The following TENM4 variants were observed in gnomAD, a reference collection of about 807,000 sequenced individuals.
The protein encoded by TENM4 is teneurin-4.
Under a neutral mutation model 243.3 loss-of-function variants are expected in TENM4, and 82 were observed. That is an observed-to-expected ratio of 0.34 (90% confidence interval 0.28 to 0.40). TENM4 has a LOEUF of 0.40. TENM4 is among the 10% of genes least tolerant of loss of function. The pLI is 1.00. For synonymous variants in TENM4, 1,412 were observed against 1,456.3 expected (o/e 0.97, Z 0.69); for missense variants, 3,138 against 3,673.3 (o/e 0.85, Z 3.77).
At chr11:78,972,235 G>C (rs146122929) in intron 6 of TENM4, among the ~76,000 whole-genome samples, 14 of 152,216 alleles carry the variant, frequency 9.2e-5, no homozygotes, top group Non-Finnish European at 1.8e-4. Flanking sequence ...CAGACCCACA[G>C]CCTCCCAGGT....
At chr11:78,943,078 C>CATCT (rs1856937357) in intron 6 of TENM4, among the ~76,000 whole-genome samples, 1 of 152,198 alleles carries the variant, frequency 6.6e-6, no homozygotes, top group African/African-American at 2.4e-5. Flanking sequence ...CAGAAATGTG[C>CATCT]ATCTGCTATT....
intron 12 of TENM4, among the ~76,000 whole-genome samples, chr11:78,819,466 T>C (rs573137654): frequency 1.3e-4 from 20 of 152,230 alleles, no homozygotes; most frequent in Admixed American, 3.9e-4. Flanking sequence ...GACAGCCCAA[T>C]TGCCTCCTTA....
At chr11:79,158,078 G>T (rs775732613) in intron 3 of TENM4, among the ~76,000 whole-genome samples, 7 of 152,210 alleles carry the variant, frequency 4.6e-5, no homozygotes, top group Non-Finnish European at 1.0e-4. Flanking sequence ...AGGACCCAGG[G>T]ACCCTCCTCC....
chr11:78,812,848 A>G (rs1406039787), intron 13 of TENM4, among the ~76,000 whole-genome samples: 2 of 152,182 alleles, frequency 1.3e-5, no homozygotes, highest in Non-Finnish European at 2.9e-5. Context: ...GCAGAGCCCA[A>G]CTTGGCTCTT....
Position 78,903,429 on chromosome 11 carries a change from G to A in TENM4, c.588C>T (p.Ser196=). The change falls in exon 7 of 34, where the codon TCC becomes TCT. Residue 196 remains serine, a synonymous_variant. Coordinates refer to ENST00000278550, the MANE Select transcript of TENM4 (RefSeq NM_001098816.3). ...AHTPNQHHAA[S]INSLNRGNFT... ...AGTTGCCCCGGTTCAGGGAGTTAATGGAGGCCGCGTGGTGCTGGTTGGGGG... is the reference window on the plus strand; with the variant it reads ...AGTTGCCCCGGTTCAGGGAGTTAATAGAGGCCGCGTGGTGCTGGTTGGGGG... The A allele has an allele frequency of 6.5e-7, 1 of 1,547,544 alleles. No homozygotes were observed. The highest frequency in any genetic ancestry group is 8.7e-7 in the Non-Finnish European group (1 of 1,145,132).
chr11:79,340,072 C>T (rs1394597025), intron 1 of TENM4, among the ~76,000 whole-genome samples: 4 of 152,120 alleles, frequency 2.6e-5, no homozygotes, highest in East Asian at 3.8e-4. Context: ...ATACCGAGGC[C>T]GCAATGGAAG....
intron 32 of TENM4, among the ~76,000 whole-genome samples, chr11:78,665,615 A>G (rs1363492970): frequency 2.0e-5 from 3 of 152,176 alleles, no homozygotes; most frequent in African/African-American, 7.2e-5. Flanking sequence ...TACAAAATGT[A>G]TTTGAATCCA....
intron 32 of TENM4, among the ~76,000 whole-genome samples, chr11:78,665,190 TCTCTCTTTCTTTTC>T (rs919568731): frequency 2.0e-5 from 3 of 146,354 alleles, no homozygotes; most frequent in African/African-American, 8.3e-5. Context: ...CTTTTCTTTT[TCTCTCTTTCTTTTC>T]CTTTTTATTT....
chr11:79,433,242 C>G (rs966022971), intron 1 of TENM4, among the ~76,000 whole-genome samples: 5 of 152,178 alleles, frequency 3.3e-5, no homozygotes, highest in African/African-American at 1.2e-4. Context: ...CATGGCAGCA[C>G]CTGGGAGCTG....
intron 6 of TENM4, among the ~76,000 whole-genome samples, chr11:78,957,576 C>T (rs1857233687): frequency 1.3e-5 from 2 of 152,202 alleles, no homozygotes; most frequent in Non-Finnish European, 2.9e-5. Flanking sequence ...AATAAACACT[C>T]CTCCACTGGA....
At chr11:79,355,724 C>A (rs982626697) in intron 1 of TENM4, among the ~76,000 whole-genome samples, 7 of 152,254 alleles carry the variant, frequency 4.6e-5, no homozygotes, top group Middle Eastern at 3.4e-3. Context: ...TGGTGAGACA[C>A]ATGTCACAGC....
chr11:78,854,031 C>T (rs1858611026), intron 12 of TENM4, 73 bp downstream of exon 12: 3 of 1,420,320 alleles, frequency 2.1e-6, no homozygotes, highest in Non-Finnish European at 2.9e-6. Flanking sequence ...CAGTGTCAGT[C>T]CCAGAATCTC....
intron 1 of TENM4, among the ~76,000 whole-genome samples, chr11:79,318,077 AT>A (rs1856830703): frequency 2.0e-5 from 3 of 152,188 alleles, no homozygotes; most frequent in African/African-American, 4.8e-5. Context: ...TAATATCACA[AT>A]TTAAGCATTT....
chr11:79,249,843 G>A lies in TENM4; in HGVS notation c.-264-33934C>T, dbSNP rs1241809870. Among the ~76,000 whole-genome samples the A allele has an allele frequency of 2.0e-5, 3 of 152,170 alleles. No individual in the cohort carries two copies. In the East Asian group the frequency reaches 5.8e-4, roughly 29 times the overall value. Reference sequence around the variant, plus strand: ...AGATTAAGTCAGAAGATGTATGTCAGGTGACTATTCCAGTAACTGGCACCA... The same window carrying A: ...AGATTAAGTCAGAAGATGTATGTCAAGTGACTATTCCAGTAACTGGCACCA... On this transcript the variant is annotated intron_variant, in intron 2 of 33. Transcript: ENST00000278550.
At chr11:79,352,802 G>C (rs1248253534) in intron 1 of TENM4, among the ~76,000 whole-genome samples, 1 of 152,184 alleles carries the variant, frequency 6.6e-6, no homozygotes, top group Non-Finnish European at 1.5e-5. Context: ...ACAGATGGGA[G>C]ACACAAAAAG....
chr11:78,813,981 C>T (rs929657457), intron 13 of TENM4, among the ~76,000 whole-genome samples: 2 of 152,132 alleles, frequency 1.3e-5, no homozygotes, highest in African/African-American at 2.4e-5. Flanking sequence ...AGGAAATCAA[C>T]GTTTTAAAAG....
intron 10 of TENM4, among the ~76,000 whole-genome samples, chr11:78,856,975 A>G (rs1183793225): frequency 7.2e-5 from 11 of 152,116 alleles, no homozygotes; most frequent in Admixed American, 7.2e-4. Context: ...GGCCATTTCT[A>G]TACTGATTAG....
At chr11:79,061,638 G>A (rs905237559) in intron 6 of TENM4, among the ~76,000 whole-genome samples, 13 of 152,152 alleles carry the variant, frequency 8.5e-5, no homozygotes, top group Admixed American at 6.5e-4. Flanking sequence ...ACCTCTTTCT[G>A]TCATGACTTT....
chr11:79,370,899 G>A (rs1857771975), intron 1 of TENM4, among the ~76,000 whole-genome samples: 1 of 148,602 alleles, frequency 6.7e-6, no homozygotes, highest in South Asian at 2.2e-4. Context: ...TTACCTAAAA[G>A]TGACAAGGGA....
Sources: gnomAD v4.1 joint callset for allele counts (sites outside exome capture counted in the v4.1 genomes callset) on GRCh38, gnomAD v4.1.1 for gene constraint, MANE v1.5 for transcripts, NCBI Gene and HGNC (gene_info 2026-07-23, HGNC 2026-07-21) for gene names.